Variants in SDK1 observed in about 807,000 individuals in gnomAD.
The protein encoded by SDK1 is sidekick cell adhesion molecule 1.
A neutral mutation model predicts 245.5 loss-of-function variants in SDK1; 157 were observed. That is an observed-to-expected ratio of 0.64 (90% CI 0.56 to 0.73). The LOEUF (loss-of-function observed/expected upper bound fraction) is 0.73. Ranked by LOEUF, SDK1 falls within the 30% of genes least tolerant of loss-of-function variation. The probability of loss-of-function intolerance (pLI) is 0.00; values close to 1 mark genes in which losing one functional copy is unlikely to be tolerated. For missense variants in SDK1, 3,583 were observed against 3,002.3 expected, an observed-to-expected ratio of 1.19 and a Z score of -4.52; for synonymous variants, 1,647 against 1,278.5, an observed-to-expected ratio of 1.29 and a Z score of -6.15.
At position 3,784,705 on chromosome 7, in the gene SDK1, A is replaced by G. The variant is rs10256746; in HGVS notation, c.714-36745A>G. On this transcript the variant is annotated intron_variant, in intron 4 of 44. Transcript: ENST00000404826. ...CAGAATAGCTGTTTTCAAAAAGACA[A>G]TATAACATGTGTTGGCCAGGATGTG... is the stretch of plus-strand genomic sequence containing the variant. Among the ~76,000 whole-genome samples, 897 of 152,358 alleles carry G rather than the reference A, an allele frequency of 5.9e-3. 10 individuals are homozygous for G. The highest frequency in any genetic ancestry group is 0.02 in the African/African-American group (844 of 41,588).
intron 32 of SDK1, among the ~76,000 whole-genome samples, chr7:4,166,216 G>T (rs1023955073): frequency 6.6e-6 from 1 of 152,244 alleles, no homozygotes; most frequent in Non-Finnish European, 1.5e-5. Flanking sequence ...GGCAAAGGCA[G>T]GGAGGCATCC....
At chr7:3,567,413 T>C (rs1037932842) in intron 1 of SDK1, among the ~76,000 whole-genome samples, 2 of 152,232 alleles carry the variant, frequency 1.3e-5, no homozygotes, top group Non-Finnish European at 1.5e-5. Context: ...AGTTGATTGG[T>C]ATGGACTTTC....
At chr7:3,897,746 T>C (rs1383665707) in intron 5 of SDK1, among the ~76,000 whole-genome samples, 2 of 71,690 alleles carry the variant, frequency 2.8e-5, no homozygotes, top group African/African-American at 8.2e-4. Flanking sequence ...TTTTTACAGC[T>C]GTGTGTGTGT....
chr7:4,148,441 C>A (rs1307802841), intron 29 of SDK1, among the ~76,000 whole-genome samples: 4 of 152,238 alleles, frequency 2.6e-5, no homozygotes. Flanking sequence ...ACCCCGCGTC[C>A]CGCATCCAAG....
intron 44 of SDK1, 33 bp from the exon 45 acceptor site, chr7:4,265,091 C>T (rs755697753): frequency 1.3e-6 from 2 of 1,598,710 alleles, no homozygotes; most frequent in Non-Finnish European, 8.5e-7. Flanking sequence ...GCGCCCTGCC[C>T]TGCACTCACA....
intron 4 of SDK1, among the ~76,000 whole-genome samples, chr7:3,752,936 T>G (rs931937006): frequency 7.9e-5 from 12 of 152,194 alleles, no homozygotes; most frequent in African/African-American, 2.7e-4. Flanking sequence ...CTATCTAAAT[T>G]TTGTTGTTAT....
intron 1 of SDK1, among the ~76,000 whole-genome samples, chr7:3,594,087 G>A (rs1780975883): frequency 6.6e-6 from 1 of 152,026 alleles, no homozygotes; most frequent in South Asian, 2.1e-4. Flanking sequence ...GTACCTACTA[G>A]GAGTCACTCT....
chr7:3,424,963 T>C (rs74613355), intron 1 of SDK1, among the ~76,000 whole-genome samples: 3,466 of 152,238 alleles, frequency 0.023, 145 homozygotes, highest in African/African-American at 0.078. Context: ...ACAATATTTT[T>C]CTTTTTTTTG....
intron 4 of SDK1, among the ~76,000 whole-genome samples, chr7:3,668,468 T>G (rs1783602777): frequency 6.6e-6 from 1 of 152,172 alleles, no homozygotes; most frequent in Non-Finnish European, 1.5e-5. Context: ...AGAGAGAAGC[T>G]GTCACATAAA....
At chr7:3,475,434 C>G (rs911347517) in intron 1 of SDK1, among the ~76,000 whole-genome samples, 1 of 152,208 alleles carries the variant, frequency 6.6e-6, no homozygotes, top group Non-Finnish European at 1.5e-5. Flanking sequence ...GCGTTTCCAC[C>G]CTTGGAGCAC....
At chr7:3,672,681 TTAAA>T (rs1245944536) in intron 4 of SDK1, among the ~76,000 whole-genome samples, 3 of 136,868 alleles carry the variant, frequency 2.2e-5, no homozygotes, top group African/African-American at 5.4e-5. Context: ...AAATTTGTTA[TTAAA>T]TAAAATTTAT....
intron 14 of SDK1, among the ~76,000 whole-genome samples, chr7:4,008,077 C>T (rs775018242): frequency 1.3e-5 from 2 of 152,210 alleles, no homozygotes; most frequent in Non-Finnish European, 2.9e-5. Flanking sequence ...GCCCTTTCCC[C>T]TGCTCCTCCT....
At chr7:3,738,333 T>G (rs1779379585) in intron 4 of SDK1, among the ~76,000 whole-genome samples, 1 of 152,214 alleles carries the variant, frequency 6.6e-6, no homozygotes, top group South Asian at 2.1e-4. Flanking sequence ...TCTTGGCACC[T>G]TTGTCAAAAA....
rs115166811 is a variant in SDK1 at position 3,463,991 on chromosome 7, A to G, written c.299-155089A>G. 3.9e-3 allele frequency among the ~76,000 whole-genome samples: 591 copies of G among 152,292 alleles called. 4 individuals carry two copies. The highest frequency in any genetic ancestry group is 0.013 in the African/African-American group (561 of 41,570). Reference sequence around the variant, plus strand: ...TACCCAGAGGACCAGGCAGATGTCAAATGTTTCTCTTACAGTTCATTTATA... The same window carrying G: ...TACCCAGAGGACCAGGCAGATGTCAGATGTTTCTCTTACAGTTCATTTATA... On this transcript the variant is annotated intron_variant, in intron 1 of 44. Transcript: ENST00000404826.
intron 1 of SDK1, among the ~76,000 whole-genome samples, chr7:3,328,784 T>C (rs1180253089): frequency 6.6e-6 from 1 of 152,148 alleles, no homozygotes; most frequent in Non-Finnish European, 1.5e-5. Flanking sequence ...GACTGAAGTA[T>C]TCCACATGGA....
At chr7:3,587,172 G>T (rs1780717369) in intron 1 of SDK1, among the ~76,000 whole-genome samples, 1 of 152,168 alleles carries the variant, frequency 6.6e-6, no homozygotes, top group Admixed American at 6.5e-5. Context: ...GAAAAGGAAA[G>T]AACTAAGAAT....
At chr7:3,822,698 G>T (rs979423295) in intron 5 of SDK1, among the ~76,000 whole-genome samples, 1 of 151,900 alleles carries the variant, frequency 6.6e-6, no homozygotes, top group African/African-American at 2.4e-5. Context: ...AAACTAGGAG[G>T]TGGAGGTTGC....
chr7:3,587,579 T>G (rs188593658), intron 1 of SDK1, among the ~76,000 whole-genome samples: 1 of 152,168 alleles, frequency 6.6e-6, no homozygotes, highest in Non-Finnish European at 1.5e-5. Context: ...AATCCAACTT[T>G]CCTCCGCTTT....
intron 22 of SDK1, among the ~76,000 whole-genome samples, chr7:4,107,197 G>A (rs993875969): frequency 2.6e-5 from 4 of 151,150 alleles, no homozygotes; most frequent in African/African-American, 9.7e-5. Context: ...AGGAGACCTG[G>A]AGTCGCTTAG....
Sources: allele counts gnomAD v4.1 joint callset (sites outside exome capture counted in the v4.1 genomes callset), GRCh38; gene constraint gnomAD v4.1.1; transcripts MANE v1.5; gene names NCBI Gene and HGNC (gene_info 2026-07-23, HGNC 2026-07-21).